PPFIA1: variants seen among roughly 807,000 people sequenced by gnomAD.
PPFIA1 encodes the protein liprin-alpha-1.
PPFIA1 carries 25 observed loss-of-function variants against 149.9 expected under a neutral mutation model. That is an observed-to-expected ratio of 0.17 (90% CI 0.12 to 0.23). The LOEUF is 0.23. PPFIA1 is among the 10% of genes least tolerant of loss of function. The pLI is 1.00. For missense variants in PPFIA1, 1,362 were observed against 1,506.5 expected (o/e 0.90, Z 1.59); for synonymous variants, 549 against 552.8 (o/e 0.99, Z 0.10).
intron 27 of PPFIA1, 75 bp downstream of exon 27, chr11:70,382,233 C>G: frequency 8.5e-7 from 1 of 1,179,838 alleles, no homozygotes; most frequent in Non-Finnish European, 1.2e-6. Context: ...CAGTGCCAGA[C>G]TAGGGGTGTG....
intron 17 of PPFIA1, among the ~76,000 whole-genome samples, 162 bp downstream of exon 17, chr11:70,354,614 C>T (rs561403275): frequency 6.6e-6 from 1 of 152,252 alleles, no homozygotes; most frequent in East Asian, 1.9e-4. Context: ...CTTACCACTG[C>T]TCTGGGCTAT....
At chr11:70,300,776 G>A (rs542718465) in intron 2 of PPFIA1, among the ~76,000 whole-genome samples, 32 of 152,170 alleles carry the variant, frequency 2.1e-4, no homozygotes, top group South Asian at 1.7e-3. Flanking sequence ...CTTGTGATCC[G>A]CCCGCCTTGG....
chr11:70,289,472 C>T (rs1431453826), intron 2 of PPFIA1, among the ~76,000 whole-genome samples: 1 of 152,124 alleles, frequency 6.6e-6, no homozygotes, highest in Non-Finnish European at 1.5e-5. Context: ...ATGGGTTCAG[C>T]ATTTTAATAC....
At chr11:70,284,353 A>C (rs1210455278) in intron 2 of PPFIA1, among the ~76,000 whole-genome samples, 1 of 152,194 alleles carries the variant, frequency 6.6e-6, no homozygotes, top group East Asian at 1.9e-4. Flanking sequence ...GGCCATTTAC[A>C]TCTCTCTTTT....
rs967952688 is a variant in PPFIA1 at position 70,303,631 on chromosome 11, C to CT, written c.265-20770dup. On this transcript the variant is annotated intron_variant, in intron 2 of 27. Coordinates refer to ENST00000253925, the MANE Select transcript of PPFIA1 (RefSeq NM_003626.5). ...ACAGAGCTTCTCAAGCTCCTGGACTCTCTGGAGTACTGAGAGTGTCCTTAT... is the reference window on the plus strand; with the variant it reads ...ACAGAGCTTCTCAAGCTCCTGGACTCTTCTGGAGTACTGAGAGTGTCCTTAT... Among the ~76,000 whole-genome samples the CT allele has an allele frequency of 2.6e-5, 4 of 152,200 alleles. No individual in the cohort carries two copies. In the East Asian group the frequency reaches 7.7e-4, roughly 29 times the overall value.
intron 2 of PPFIA1, among the ~76,000 whole-genome samples, chr11:70,310,804 A>G (rs1181559563): frequency 6.6e-6 from 1 of 152,146 alleles, no homozygotes; most frequent in African/African-American, 2.4e-5. Context: ...CTTGTCATTT[A>G]ACGGAGACTG....
In PPFIA1 at chr11:70,272,258, A is replaced by C; in HGVS notation, c.86A>C (p.Gln29Pro). The C allele has an allele frequency of 6.2e-7, 1 of 1,614,222 alleles. No homozygotes were observed. The highest frequency in any genetic ancestry group is 8.5e-7 in the Non-Finnish European group (1 of 1,180,048). Residue 29 changes from glutamine to proline, a missense_variant, in exon 2 of 28, where the codon CAG (glutamine) becomes CCG (proline). This residue lies in a region of PPFIA1 where 100 missense variants were observed against 106.2 expected (regional missense o/e 0.94). Coordinates refer to ENST00000253925, the MANE Select transcript of PPFIA1 (RefSeq NM_003626.5). ...GGGHGSGSPS[Q>P]PDADSHFEQL... The stretch of plus-strand genomic sequence containing the variant: ...GGCCATGGTTCCGGCTCCCCTTCAC[A>C]GCCAGATGCAGATTCACATTTTGAA...
chr11:70,330,730 G>C (rs920741500), intron 8 of PPFIA1, among the ~76,000 whole-genome samples: 1 of 152,184 alleles, frequency 6.6e-6, no homozygotes, highest in Non-Finnish European at 1.5e-5. Context: ...GCTGAGGTGG[G>C]AAGATCGCTT....
chr11:70,297,401 G>A (rs1013890459), intron 2 of PPFIA1, among the ~76,000 whole-genome samples: 1 of 151,614 alleles, frequency 6.6e-6, no homozygotes, highest in South Asian at 2.1e-4. Context: ...AGCAAGACTT[G>A]TCTCTAAAAT....
At chr11:70,349,324 A>G (rs2055910403) in intron 16 of PPFIA1, among the ~76,000 whole-genome samples, 1 of 152,040 alleles carries the variant, frequency 6.6e-6, no homozygotes, top group Non-Finnish European at 1.5e-5. Context: ...TGCAGATCTG[A>G]GGAATGTTTA....
rs141417309 is a variant in PPFIA1, at chr11:70,310,857, T to C, written c.265-13545T>C. On this transcript the variant is annotated intron_variant, in intron 2 of 27. Transcript: ENST00000253925. The stretch of plus-strand genomic sequence containing the variant: ...AGGACCAGGTTTGAGGGCTAAGTGC[T>C]GTTTGCCGTCCATCCACAGGCCAAG... 3.7e-3 allele frequency among the ~76,000 whole-genome samples: 558 copies of C among 152,256 alleles called. 9 individuals are homozygous for C. The highest frequency in any genetic ancestry group is 0.013 in the African/African-American group (530 of 41,540).
At chr11:70,371,468 C>CTTGTTGGGTGGCGTGTTCTATCTTCTG (rs2057253788) in intron 21 of PPFIA1, 10 of 3,998 alleles carry the variant, frequency 2.5e-3, no homozygotes, top group African/African-American at 9.9e-3. Context: ...TCTGTATTCT[C>CTTGTTGGGTGGCGTGTTCTATCTTCTG]TTGTTGGGTG....
In PPFIA1 at chr11:70,375,101, C is replaced by T. The variant is rs755052041; in HGVS notation, c.3315+8C>T. 2 of 1,574,520 alleles carry T rather than the reference C, an allele frequency of 1.3e-6. No individual in the cohort carries two copies. Among genetic ancestry groups the T allele is most frequent in the Middle Eastern group, 3.4e-4 (2 of 5,882 alleles). ...CCGACGCAGAACACACAGGTGACGC[C>T]AAACCTGTCTGTGTCTGCACTCATT... is the stretch of plus-strand genomic sequence containing the variant. On this transcript the variant is annotated splice_region_variant and intron_variant, in intron 24 of 27. Coordinates refer to ENST00000253925, the MANE Select transcript of PPFIA1 (RefSeq NM_003626.5).
chr11:70,273,333 G>C (rs2050204171), intron 2 of PPFIA1, among the ~76,000 whole-genome samples: 1 of 152,172 alleles, frequency 6.6e-6, no homozygotes, highest in African/African-American at 2.4e-5. Flanking sequence ...ACCAGTGTTT[G>C]AAAGACTTTG....
At chr11:70,365,179 C>T (rs1008117307) in intron 21 of PPFIA1, 5 of 239,294 alleles carry the variant, frequency 2.1e-5, no homozygotes, top group African/African-American at 1.1e-4. Flanking sequence ...GTGTGCTCTT[C>T]TCCTGATGGT....
chr11:70,308,907 G>T (rs1164910321), intron 2 of PPFIA1, among the ~76,000 whole-genome samples: 3 of 152,090 alleles, frequency 2.0e-5, no homozygotes, highest in Non-Finnish European at 4.4e-5. Flanking sequence ...TGGGTGACAG[G>T]GCGAGACTCT....
chr11:70,352,356 AC>A (rs2056101592), intron 16 of PPFIA1, among the ~76,000 whole-genome samples: 1 of 152,224 alleles, frequency 6.6e-6, no homozygotes, highest in East Asian at 1.9e-4. Flanking sequence ...GCAACAAGAC[AC>A]AGAGCACGGC....
At chr11:70,290,082 T>C (rs562347024) in intron 2 of PPFIA1, among the ~76,000 whole-genome samples, 120 of 151,994 alleles carry the variant, frequency 7.9e-4, no homozygotes, top group Non-Finnish European at 1.5e-3. Flanking sequence ...TAAAAAAAAT[T>C]AGCCAGGCTT....
At chr11:70,330,370 T>G (rs771027125) in intron 8 of PPFIA1, 51 bp downstream of exon 8, 2 of 1,448,134 alleles carry the variant, frequency 1.4e-6, no homozygotes, top group African/African-American at 2.9e-5. Flanking sequence ...ATTAATGAAG[T>G]TAAAGACCCT....
Sources: allele counts gnomAD v4.1 joint callset (sites outside exome capture counted in the v4.1 genomes callset), GRCh38; gene constraint gnomAD v4.1.1; regional missense constraint gnomAD v4.1.1; transcripts MANE v1.5; gene names NCBI Gene and HGNC (gene_info 2026-07-23, HGNC 2026-07-21).